Variants in DCC observed in about 807,000 individuals in gnomAD.
DCC encodes the protein DCC netrin 1 receptor, also known as netrin receptor DCC.
Under a neutral mutation model 172.5 loss-of-function variants are expected in DCC, and 58 were observed. The ratio of observed to expected loss-of-function variants is 0.34; its 90% CI spans 0.27 to 0.42. The LOEUF (loss-of-function observed/expected upper bound fraction) is 0.42. DCC is among the 10% of genes least tolerant of loss of function. The probability of loss-of-function intolerance (pLI) is 1.00; values close to 1 mark genes in which losing one functional copy is unlikely to be tolerated. For synonymous variants in DCC, 709 were observed against 644.5 expected, an observed-to-expected ratio of 1.10 and a Z score of -1.52; for missense variants, 1,740 against 1,791.0, an observed-to-expected ratio of 0.97 and a Z score of 0.51.
At chr18:53,392,986 G>A (rs1275621742) in intron 17 of DCC, among the ~76,000 whole-genome samples, 3 of 152,168 alleles carry the variant, frequency 2.0e-5, no homozygotes, top group African/African-American at 7.2e-5. Context: ...AACCCTGGCT[G>A]TCTTCTTCCT....
At chr18:52,687,429 C>A (rs1599019191) in intron 1 of DCC, among the ~76,000 whole-genome samples, 3 of 151,860 alleles carry the variant, frequency 2.0e-5, no homozygotes, top group South Asian at 2.1e-4. Context: ...GTATTACAGG[C>A]ACCTGCCACC....
intron 17 of DCC, among the ~76,000 whole-genome samples, chr18:53,394,299 A>G (rs1027405120): frequency 1.3e-5 from 2 of 152,222 alleles, no homozygotes; most frequent in African/African-American, 4.8e-5. Flanking sequence ...AGGAAGACAG[A>G]GGTAGGTGAT....
At chr18:53,104,531 C>T (rs1318757922) in intron 7 of DCC, among the ~76,000 whole-genome samples, 2 of 152,028 alleles carry the variant, frequency 1.3e-5, no homozygotes, top group African/African-American at 4.8e-5. Context: ...AAAACTTCTT[C>T]TTCTTCTTCT....
Position 53,021,716 on chromosome 18 carries a change from G to A in DCC, c.986-41589G>A, listed in dbSNP as rs558288401. 3.9e-5 allele frequency among the ~76,000 whole-genome samples: 6 copies of A among 152,324 alleles called. No homozygotes were observed. The East Asian group carries it at 1.2e-3, about 29-fold the overall frequency. On this transcript the variant is annotated intron_variant, in intron 5 of 28. Transcript: ENST00000442544. ...GCTTTAATCAGACCATGCTCTTGCA[G>A]ATGTACTGTAACAGAGAGAAAGAAA...
At chr18:53,223,879 T>C (rs1379778708) in intron 12 of DCC, among the ~76,000 whole-genome samples, 2 of 152,172 alleles carry the variant, frequency 1.3e-5, no homozygotes, top group African/African-American at 2.4e-5. Context: ...ATAACTGTAA[T>C]AATGGCAGTA....
rs376718051 is a variant in DCC at position 52,841,753 on chromosome 18, C to T, written c.413-64291C>T. On this transcript the variant is annotated intron_variant, in intron 2 of 28. Transcript: ENST00000442544. ...AGTGCTGGCTGGCAAAAGCTTACAG[C>T]TGCCTCTGTCAATCACTCGTTTCCA... Among the ~76,000 whole-genome samples, 17 of 152,270 alleles carry T rather than the reference C, an allele frequency of 1.1e-4. No homozygotes were observed. In the East Asian group the frequency reaches 3.3e-3, roughly 29 times the overall value.
intron 5 of DCC, among the ~76,000 whole-genome samples, chr18:53,025,284 A>G (rs575575562): frequency 6.6e-6 from 1 of 152,272 alleles, no homozygotes; most frequent in African/African-American, 2.4e-5. Flanking sequence ...AAGATTTGGT[A>G]GGAATAAAAA....
intron 1 of DCC, among the ~76,000 whole-genome samples, chr18:52,526,568 G>T (rs1040683298): frequency 6.6e-6 from 1 of 151,808 alleles, no homozygotes; most frequent in African/African-American, 2.4e-5. Context: ...TGTCATCATG[G>T]GTAAGTCTCA....
At chr18:52,881,597 A>G (rs1258081228) in intron 2 of DCC, among the ~76,000 whole-genome samples, 1 of 152,142 alleles carries the variant, frequency 6.6e-6, no homozygotes, top group Non-Finnish European at 1.5e-5. Context: ...TTCATTGTTG[A>G]AAATGATTTA....
intron 15 of DCC, among the ~76,000 whole-genome samples, chr18:53,347,838 A>G (rs967969030): frequency 6.6e-6 from 1 of 152,156 alleles, no homozygotes; most frequent in South Asian, 2.1e-4. Context: ...TTAAAAAACC[A>G]TGAGATCTCA....
intron 7 of DCC, among the ~76,000 whole-genome samples, chr18:53,153,030 C>T (rs904780378): frequency 4.6e-5 from 7 of 152,128 alleles, no homozygotes; most frequent in Non-Finnish European, 1.0e-4. Flanking sequence ...TGCCCCTTGC[C>T]CTCCTCTCTG....
At chr18:53,181,819 CTTATAAGAA>C in intron 9 of DCC, among the ~76,000 whole-genome samples, 1 of 152,220 alleles carries the variant, frequency 6.6e-6, no homozygotes, top group South Asian at 2.1e-4. Flanking sequence ...AGTAGGGGAA[CTTATAAGAA>C]GTTGGTAAAT....
intron 1 of DCC, among the ~76,000 whole-genome samples, chr18:52,714,649 C>T (rs2036348550): frequency 6.6e-6 from 1 of 152,136 alleles, no homozygotes; most frequent in Non-Finnish European, 1.5e-5. Flanking sequence ...TAGGCACACT[C>T]ATCCCTAATC....
chr18:53,479,287 C>A (rs1399069043), intron 25 of DCC, among the ~76,000 whole-genome samples: 2 of 152,210 alleles, frequency 1.3e-5, no homozygotes, highest in Non-Finnish European at 2.9e-5. Flanking sequence ...TGACATACTT[C>A]ATTCCACCTC....
intron 1 of DCC, among the ~76,000 whole-genome samples, chr18:52,341,723 G>A (rs1568123494): frequency 6.6e-6 from 1 of 152,172 alleles, no homozygotes. Flanking sequence ...CTCCGAATAC[G>A]GAGCTGGCGG....
intron 22 of DCC, among the ~76,000 whole-genome samples, chr18:53,438,319 C>G (rs1419123457): frequency 1.3e-5 from 2 of 152,158 alleles, no homozygotes; most frequent in African/African-American, 4.8e-5. Context: ...GGTTATGAGG[C>G]TTAAAGCTTG....
At chr18:53,074,096 G>A (rs998224720) in intron 7 of DCC, among the ~76,000 whole-genome samples, 2 of 152,026 alleles carry the variant, frequency 1.3e-5, no homozygotes, top group African/African-American at 4.8e-5. Context: ...AATCTAAAGG[G>A]CTGTACTTCT....
At chr18:53,029,805 A>G (rs978995813) in intron 5 of DCC, among the ~76,000 whole-genome samples, 5 of 152,128 alleles carry the variant, frequency 3.3e-5, no homozygotes, top group South Asian at 2.1e-4. Context: ...GAGAGAGCCT[A>G]TTTGTCTTAG....
At chr18:53,484,342 G>A (rs760418973) in intron 25 of DCC, among the ~76,000 whole-genome samples, 2 of 151,414 alleles carry the variant, frequency 1.3e-5, no homozygotes, top group Admixed American at 1.3e-4. Flanking sequence ...TGCTTTCACC[G>A]AGAGGCACTT....
Sources: gnomAD v4.1 joint callset for allele counts (sites outside exome capture counted in the v4.1 genomes callset) on GRCh38, gnomAD v4.1.1 for gene constraint, MANE v1.5 for transcripts, NCBI Gene and HGNC (gene_info 2026-07-23, HGNC 2026-07-21) for gene names.